Variants in SAMM50 observed in about 807,000 individuals in gnomAD.
SAMM50 encodes the protein SAMM50 sorting and assembly machinery component.
In SAMM50, 47 loss-of-function variants were observed where a neutral mutation model predicts 66.9. The observed-to-expected ratio is 0.70, with a 90% confidence interval of 0.56 to 0.90. SAMM50 has a LOEUF of 0.90. Ranked by LOEUF, SAMM50 falls within the 40% of genes least tolerant of loss-of-function variation. The probability of loss-of-function intolerance (pLI) is 0.00; values close to 1 mark genes in which losing one functional copy is unlikely to be tolerated. For missense variants in SAMM50, 535 were observed against 595.3 expected (o/e 0.90, Z 1.05); for synonymous variants, 191 against 214.1 (o/e 0.89, Z 0.94).
At chr22:43,996,301 G>A in intron 14 of SAMM50, 37 bp from the exon 15 acceptor site, 1 of 1,612,994 alleles carries the variant, frequency 6.2e-7, no homozygotes, top group Non-Finnish European at 8.5e-7. Context: ...AGGGCTGGCG[G>A]AGCGGCCGCC....
intron 12 of SAMM50, chr22:43,987,913 T>TACACAC (rs1555888842): frequency 4.6e-5 from 7 of 151,292 alleles, no homozygotes; most frequent in African/African-American, 1.5e-4. Context: ...TATATATATA[T>TACACAC]ACACACACAG....
At chr22:43,966,089 C>T (rs988742558) in intron 3 of SAMM50, among the ~76,000 whole-genome samples, 1 of 152,242 alleles carries the variant, frequency 6.6e-6, no homozygotes, top group African/African-American at 2.4e-5. Context: ...GTCCTCCCAA[C>T]TTGGCCTTCC....
chr22:43,982,711 C>G (rs2050270953), intron 11 of SAMM50, among the ~76,000 whole-genome samples: 1 of 152,214 alleles, frequency 6.6e-6, no homozygotes. Flanking sequence ...TCTCGACTTA[C>G]TACAACCTCT....
chr22:43,963,215 C>A, intron 1 of SAMM50, 71 bp from the exon 2 acceptor site: 1 of 948,138 alleles, frequency 1.1e-6, no homozygotes, highest in Non-Finnish European at 1.6e-6. Flanking sequence ...CATCTAAAGA[C>A]AAAACTCAAA....
chr22:43,978,118 TG>T (rs1156419429), intron 10 of SAMM50, among the ~76,000 whole-genome samples, 160 bp downstream of exon 10: 2 of 152,098 alleles, frequency 1.3e-5, no homozygotes, highest in Admixed American at 1.3e-4. Context: ...GCAGGTAGTC[TG>T]GGGAGAAGCC....
In SAMM50 at chr22:43,955,737, GGCCGAAAAGAGGTC is replaced by G. The variant is rs1446574785; in HGVS notation, c.21+143_21+156del. 7 of 922,970 alleles carry G rather than the reference GGCCGAAAAGAGGTC, an allele frequency of 7.6e-6. No homozygotes were observed. The Admixed American group carries it at 2.0e-4, about 26-fold the overall frequency. The allele number at this position is 922,970 out of a possible 1,614,324, so 57.2% of individuals were successfully genotyped here. A position where few individuals can be genotyped will look rare whatever the true frequency, so the allele number is the denominator to read the frequency against. ...CAAGGGTGCCGGGCTGGGTGGAGGA[GGCCGAAAAGAGGTC>G]GCCTCGGGCCAGCGAGTCTTGCAGA... On this transcript the variant is annotated intron_variant, in intron 1 of 14. Transcript: ENST00000350028.
At position 43,984,009 on chromosome 22, in the gene SAMM50, T is replaced by G. The variant is rs199546241; in HGVS notation, c.1075+9T>G. 1.9e-5 allele frequency: 31 copies of G among 1,606,346 alleles called. No individual in the cohort carries two copies. Among genetic ancestry groups the G allele is most frequent in the Non-Finnish European group, 2.1e-5 (25 of 1,176,680 alleles). On this transcript the variant is annotated intron_variant, in intron 12 of 14. Transcript: ENST00000350028. Reference sequence around the variant, plus strand: ...CGGGCCACAGAGCGAAGGTCTGTCCTTTCCCCTCACGGCGCCAAGTCTAGA... The same window carrying G: ...CGGGCCACAGAGCGAAGGTCTGTCCGTTCCCCTCACGGCGCCAAGTCTAGA...
chr22:43,990,567 G>GT (rs2050318463), intron 14 of SAMM50, among the ~76,000 whole-genome samples, 161 bp downstream of exon 14: 1 of 152,150 alleles, frequency 6.6e-6, no homozygotes, highest in Admixed American at 6.5e-5. Flanking sequence ...CCTCCTTTGC[G>GT]TTTTTCTCCA....
intron 7 of SAMM50, 110 bp from the exon 8 acceptor site, chr22:43,975,940 TAAAAA>T: frequency 1.0e-5 from 11 of 1,073,914 alleles, no homozygotes; most frequent in Non-Finnish European, 1.3e-5. Flanking sequence ...CTCTCATCAT[TAAAAA>T]AAATTAGATA....
chr22:43,986,899 T>C (rs2146825803), intron 12 of SAMM50: 1 of 152,342 alleles, frequency 6.6e-6, no homozygotes, highest in East Asian at 1.9e-4. Context: ...TTTATGTCAT[T>C]ATAAGCAACA....
At chr22:43,962,258 G>C (rs765248694) in intron 1 of SAMM50, among the ~76,000 whole-genome samples, 1 of 152,222 alleles carries the variant, frequency 6.6e-6, no homozygotes, top group African/African-American at 2.4e-5. Flanking sequence ...AGTACTGTAA[G>C]TGAAAATCAG....
intron 11 of SAMM50, among the ~76,000 whole-genome samples, chr22:43,982,942 AT>A (rs1429728862): frequency 6.6e-6 from 1 of 152,206 alleles, no homozygotes; most frequent in Non-Finnish European, 1.5e-5. Context: ...GGCCTGATTG[AT>A]CATTTCTTTA....
intron 2 of SAMM50, among the ~76,000 whole-genome samples, chr22:43,963,989 C>T (rs1284364692): frequency 6.6e-6 from 1 of 152,000 alleles, no homozygotes; most frequent in East Asian, 1.9e-4. Context: ...CTCATTGCAA[C>T]CTCTGTCTCT....
At chr22:43,966,023 T>C (rs1435367459) in intron 3 of SAMM50, among the ~76,000 whole-genome samples, 1 of 152,116 alleles carries the variant, frequency 6.6e-6, no homozygotes, top group African/African-American at 2.4e-5. Context: ...AGTTTTTCTG[T>C]AGAGACGGGG....
At chr22:43,960,591 T>C (rs191871402) in intron 1 of SAMM50, among the ~76,000 whole-genome samples, 60 of 152,162 alleles carry the variant, frequency 3.9e-4, no homozygotes, top group African/African-American at 1.4e-3. Flanking sequence ...TAGCCAGGTA[T>C]AGTGGCACGC....
chr22:43,984,632 TATC>T (rs1002759035), intron 12 of SAMM50, among the ~76,000 whole-genome samples: 1 of 141,630 alleles, frequency 7.1e-6, no homozygotes, highest in African/African-American at 2.7e-5. Context: ...TTATTAATAT[TATC>T]ATTATTATTT....
chr22:43,968,489 A>G (rs1159233117), intron 3 of SAMM50, among the ~76,000 whole-genome samples: 1 of 152,168 alleles, frequency 6.6e-6, no homozygotes, highest in Non-Finnish European at 1.5e-5. Flanking sequence ...TGTTTATACG[A>G]AGGGGATTAT....
In SAMM50 at chr22:43,972,183, C is replaced by T. The variant is rs910940858; in HGVS notation, c.323-53C>T. 8 of 1,173,172 alleles carry T rather than the reference C, an allele frequency of 6.8e-6. No individual in the cohort carries two copies. In the African/African-American group the frequency reaches 1.1e-4, roughly 16 times the overall value. 72.7% of individuals were successfully genotyped at this position (1,173,172 alleles called of 1,614,324 possible). ...TTTTGTCTTTTTTAGCAATGGGAAC[C>T]CAAAGTAAAATAACATCCTGGCTGT... is the stretch of plus-strand genomic sequence containing the variant. On this transcript the variant is annotated intron_variant, in intron 4 of 14. Coordinates refer to ENST00000350028, the MANE Select transcript of SAMM50 (RefSeq NM_015380.5).
At chr22:43,966,362 CT>C (rs957029274) in intron 3 of SAMM50, among the ~76,000 whole-genome samples, 96 of 145,892 alleles carry the variant, frequency 6.6e-4, no homozygotes, top group Admixed American at 6.2e-4. Flanking sequence ...AGTCCACTGT[CT>C]TTTTTTTTTT....
Sources: allele counts gnomAD v4.1 joint callset (sites outside exome capture counted in the v4.1 genomes callset), GRCh38; gene constraint gnomAD v4.1.1; transcripts MANE v1.5; gene names NCBI Gene and HGNC (gene_info 2026-07-23, HGNC 2026-07-21).